Variants in ZNF609 observed in about 807,000 individuals in gnomAD.
ZNF609 encodes zinc finger protein 609.
ZNF609 carries 11 observed loss-of-function variants against 109.5 expected under a neutral mutation model. That is an observed-to-expected ratio of 0.10 (90% CI 0.06 to 0.17). The LOEUF (loss-of-function observed/expected upper bound fraction) is 0.17, where lower values mean the gene tolerates loss of function less well. ZNF609 is among the 10% of genes least tolerant of loss of function. The pLI is 1.00. For missense variants in ZNF609, 1,559 were observed against 1,772.4 expected (o/e 0.88, Z 2.16); for synonymous variants, 646 against 662.0 (o/e 0.98, Z 0.37).
chr15:64,631,505 A>T, intron 3 of ZNF609: 1 of 672,830 alleles, frequency 1.5e-6, no homozygotes, highest in Middle Eastern at 2.7e-4. Flanking sequence ...TCGCATATAC[A>T]TGGCCAAAGA....
intron 2 of ZNF609, among the ~76,000 whole-genome samples, chr15:64,551,652 CA>C (rs536364048): frequency 0.15 from 13,884 of 90,910 alleles, 1,312 homozygotes; most frequent in South Asian, 0.4. Flanking sequence ...AACTCTGTCT[CA>C]AAAAAAAAAA....
intron 3 of ZNF609, among the ~76,000 whole-genome samples, chr15:64,658,203 A>T (rs941916575): frequency 1.0e-4 from 15 of 146,278 alleles, no homozygotes; most frequent in Admixed American, 3.4e-4. Context: ...AAAAATTACT[A>T]TTTTTTTTTT....
In ZNF609 at chr15:64,461,255, T is replaced by C. The variant is rs568283541; in HGVS notation, c.-128+417T>C. Among the ~76,000 whole-genome samples the C allele has an allele frequency of 3.8e-3, 573 of 149,696 alleles. 1 individual carries two copies. Among genetic ancestry groups the C allele is most frequent in the Middle Eastern group, 0.024 (7 of 292 alleles). ...GGGGCGGTGGTGGTTGTTCAGAGCA[T>C]AGGGTCGGAAGCAGGACGTGTGCGT... On this transcript the variant is annotated intron_variant, in intron 1 of 9. Transcript: ENST00000326648.
At chr15:64,573,431 T>C (rs1180470399) in intron 2 of ZNF609, among the ~76,000 whole-genome samples, 7 of 138,142 alleles carry the variant, frequency 5.1e-5, no homozygotes, top group Non-Finnish European at 9.2e-5. Flanking sequence ...CTTGGCTCAC[T>C]GCAAGCTCCG....
Position 64,622,914 on chromosome 15 carries a change from C to G in ZNF609, c.835C>G (p.Gln279Glu). 1 of 1,614,210 alleles carries G rather than the reference C, an allele frequency of 6.2e-7. No homozygotes were observed. Among genetic ancestry groups the G allele is most frequent in the Non-Finnish European group, 8.5e-7 (1 of 1,180,002 alleles). ...VNNDISSPCE[Q>E]IMVRTRSVGV... Reference sequence around the variant, plus strand: ...CAATGACATCTCATCTCCCTGTGAGCAGATCATGGTTCGTACCCGATCAGT... The same window carrying G: ...CAATGACATCTCATCTCCCTGTGAGGAGATCATGGTTCGTACCCGATCAGT... Residue 279 changes from glutamine (Q) to glutamate (E), a missense_variant, in exon 3 of 10, where the codon CAG becomes GAG. Transcript: ENST00000326648.
intron 2 of ZNF609, among the ~76,000 whole-genome samples, chr15:64,536,730 C>G (rs531669078): frequency 3.4e-5 from 5 of 148,942 alleles, no homozygotes; most frequent in African/African-American, 1.2e-4. Flanking sequence ...TCCACCCCCC[C>G]CCCCAAAAAA....
intron 2 of ZNF609, among the ~76,000 whole-genome samples, chr15:64,612,747 G>C (rs1349488995): frequency 6.6e-6 from 1 of 152,036 alleles, no homozygotes; most frequent in Admixed American, 6.6e-5. Context: ...GGGCGTGGTG[G>C]CTCATGCCTG....
chr15:64,676,336 C>A, intron 5 of ZNF609, 80 bp downstream of exon 5: 4 of 1,353,222 alleles, frequency 3.0e-6, no homozygotes, highest in Non-Finnish European at 4.0e-6. Context: ...TGTCCTTATA[C>A]AGGGGTTCAA....
At chr15:64,592,219 T>G (rs571999024) in intron 2 of ZNF609, among the ~76,000 whole-genome samples, 6 of 152,186 alleles carry the variant, frequency 3.9e-5, no homozygotes, top group Non-Finnish European at 8.8e-5. Flanking sequence ...AAGTGAAAAT[T>G]AGGACAACCT....
chr15:64,484,356 T>C (rs1893300578), intron 1 of ZNF609, among the ~76,000 whole-genome samples: 1 of 152,190 alleles, frequency 6.6e-6, no homozygotes, highest in African/African-American at 2.4e-5. Flanking sequence ...GTGTAATTTT[T>C]AGCTAACAAT....
At chr15:64,516,148 A>T (rs1268023663) in intron 2 of ZNF609, among the ~76,000 whole-genome samples, 2 of 152,168 alleles carry the variant, frequency 1.3e-5, no homozygotes, top group East Asian at 3.9e-4. Context: ...AAATTTTCAG[A>T]TCTCTTATTG....
chr15:64,667,138 CA>C (rs1896660131), intron 3 of ZNF609, among the ~76,000 whole-genome samples: 1 of 151,610 alleles, frequency 6.6e-6, no homozygotes, highest in South Asian at 2.1e-4. Context: ...CTCAAAAAAA[CA>C]AAACAAACAA....
chr15:64,670,398 C>T lies in ZNF609; in HGVS notation c.1026C>T (p.Leu342=), dbSNP rs1428278918. The T allele has an allele frequency of 1.9e-6, 3 of 1,614,012 alleles. No individual in the cohort carries two copies. The African/African-American group carries it at 4.0e-5, about 22-fold the overall frequency. The change falls in exon 4 of 10, where the codon CTC becomes CTT. Residue 342 remains leucine (L), a synonymous_variant. Transcript: ENST00000326648. ...GGAACAAGACATATGTAGGTACACT[C>T]CTTGACTGCACACGACATGATTGGG... ...TWRNKTYVGT[L]LDCTRHDWAP... is the part of the protein sequence containing the mutation.
chr15:64,502,932 A>G (rs1249317392), intron 2 of ZNF609: 1 of 152,012 alleles, frequency 6.6e-6, no homozygotes, highest in African/African-American at 2.4e-5. Context: ...GGTGGTGTGC[A>G]CCCGTAATCC....
intron 5 of ZNF609, 129 bp downstream of exon 5, chr15:64,676,385 G>C: frequency 1.3e-6 from 1 of 785,416 alleles, no homozygotes; most frequent in South Asian, 2.8e-5. Context: ...TAATTTTAAG[G>C]ATTCTTTACC....
intron 3 of ZNF609, among the ~76,000 whole-genome samples, chr15:64,623,962 A>G (rs1342408065): frequency 4.6e-5 from 7 of 152,182 alleles, no homozygotes; most frequent in African/African-American, 9.7e-5. Flanking sequence ...GGCCCAGAGG[A>G]GCACAGCTAA....
At chr15:64,593,877 A>G in intron 2 of ZNF609, among the ~76,000 whole-genome samples, 1 of 152,180 alleles carries the variant, frequency 6.6e-6, no homozygotes, top group East Asian at 1.9e-4. Context: ...AATTGAGTGG[A>G]TAAGAAGGGT....
At chr15:64,490,293 G>C (rs1304635391) in intron 1 of ZNF609, among the ~76,000 whole-genome samples, 1 of 135,502 alleles carries the variant, frequency 7.4e-6, no homozygotes, top group Non-Finnish European at 1.5e-5. Flanking sequence ...TTTTTTTCGA[G>C]ACGGAGTTTT....
At position 64,678,382 on chromosome 15, in the gene ZNF609, C is replaced by G. The variant is rs368971690; in HGVS notation, c.3669C>G (p.Ser1223=). 1 of 1,613,898 alleles carries G rather than the reference C, an allele frequency of 6.2e-7. No homozygotes were observed. Among genetic ancestry groups the G allele is most frequent in the East Asian group, 2.2e-5 (1 of 44,898 alleles). Residue 1223 remains serine (S), a synonymous_variant, in exon 6 of 10, where the codon TCC becomes TCG. Coordinates refer to ENST00000326648, the MANE Select transcript of ZNF609 (RefSeq NM_015042.2). ...PVSSPLTQHQ[S]YIPYMHGYSY... ...CCTCCCCACTTACCCAGCACCAGTC[C>G]TACATCCCCTACATGCACGGCTATT...
Sources: gnomAD v4.1 joint callset for allele counts (sites outside exome capture counted in the v4.1 genomes callset) on GRCh38, gnomAD v4.1.1 for gene constraint, MANE v1.5 for transcripts, NCBI Gene and HGNC (gene_info 2026-07-23, HGNC 2026-07-21) for gene names.